CELSR2: variants seen among roughly 807,000 people sequenced by gnomAD.
The protein encoded by CELSR2 is EGF-like protein 2.
In CELSR2, 81 loss-of-function variants were observed where a neutral mutation model predicts 251.6. That is an observed-to-expected ratio of 0.32 (90% CI 0.27 to 0.39). The LOEUF (loss-of-function observed/expected upper bound fraction) is 0.39, where lower values mean the gene tolerates loss of function less well. Among genes scored for constraint, CELSR2 ranks in the 10% least tolerant of loss-of-function variants. CELSR2 has a pLI of 1.00. For missense variants in CELSR2, 3,365 were observed against 3,947.7 expected (o/e 0.85, Z 3.96); for synonymous variants, 1,721 against 1,670.5 (o/e 1.03, Z -0.74).
Position 109,261,307 on chromosome 1 carries a change from C to G in CELSR2, c.4181+43C>G. ...GGGGGTGGGGAGTGGGCCTGGTGGG[C>G]ATCTGAGGTGCCTCCTGTTCTGTGG... is the stretch of plus-strand genomic sequence containing the variant. On this transcript the variant is annotated intron_variant, in intron 3 of 33. Transcript: ENST00000271332. This position sits in a 1 kb window ranked among gnomAD's most constrained non-coding sequence, Gnocchi z 4.8. 1.3e-6 allele frequency: 2 copies of G among 1,567,104 alleles called. No homozygotes were observed. Among genetic ancestry groups the G allele is most frequent in the Non-Finnish European group, 1.7e-6 (2 of 1,143,736 alleles).
chr1:109,263,178 C>T lies in CELSR2; in HGVS notation c.4745C>T (p.Thr1582Ile), dbSNP rs933705873. 3 of 1,601,162 alleles carry T rather than the reference C, an allele frequency of 1.9e-6. No individual in the cohort carries two copies. Among genetic ancestry groups the T allele is most frequent in the Non-Finnish European group, 2.6e-6 (3 of 1,169,484 alleles). ...PAKKNVCDSN[T>I]CHNGGTCVNQ... is the part of the protein sequence containing the mutation. ...AAGAAGAACGTGTGTGACAGCAACA[C>T]TTGCCACAATGGGGGCACTTGCGTG... Residue 1582 changes from threonine to isoleucine, a missense_variant, in exon 8 of 34, where the codon ACT (threonine) becomes ATT (isoleucine). By Grantham distance (89) the Thr-to-Ile change is moderately conservative. Around this residue, in one of 5 missense-constraint regions of CELSR2, gnomAD observed 2,093 missense variants for 2,382.8 expected, o/e 0.88. Coordinates refer to ENST00000271332, the MANE Select transcript of CELSR2 (RefSeq NM_001408.3).
intron 32 of CELSR2, 36 bp downstream of exon 32, chr1:109,273,372 G>A (rs748134648): frequency 3.1e-6 from 5 of 1,607,528 alleles, no homozygotes; most frequent in South Asian, 2.2e-5. Flanking sequence ...AGCTCCCCTA[G>A]TCAGCAGCCT....
intron 1 of CELSR2, among the ~76,000 whole-genome samples, chr1:109,255,024 C>T (rs1312125331): frequency 6.6e-6 from 1 of 152,240 alleles, no homozygotes; most frequent in Non-Finnish European, 1.5e-5. Context: ...AGCCTTCGGT[C>T]TCCCACCAGG....
rs1064797116 is a variant in CELSR2, at chr1:109,252,460, A to T, written c.2381A>T (p.Gln794Leu). The T allele has an allele frequency of 6.2e-7, 1 of 1,613,824 alleles. No homozygotes were observed. The highest frequency in any genetic ancestry group is 8.5e-7 in the Non-Finnish European group (1 of 1,180,024). Reference protein sequence around the residue: ...AITARDNGIPQKSDTTYLEIL... With the variant: ...AITARDNGIPLKSDTTYLEIL... ...ACTGCTCGGGACAATGGCATTCCCC[A>T]GAAGTCCGACACCACCTACCTGGAG... The change falls in exon 1 of 34, where the codon CAG becomes CTG. Residue 794 changes from glutamine (Q) to leucine (L), a missense_variant. Gln to Leu is a moderately radical substitution (Grantham distance 113). Transcript: ENST00000271332. The surrounding 1 kb of genome is among the most constrained non-coding windows in gnomAD (Gnocchi z 4.8).
intron 10 of CELSR2, 22 bp downstream of exon 10, chr1:109,264,387 C>T (rs1557733407): frequency 1.3e-6 from 2 of 1,587,752 alleles, no homozygotes; most frequent in Non-Finnish European, 8.6e-7. Context: ...GCCCTGCCCT[C>T]CCATCCCCTC....
At chr1:109,259,306 T>C (rs606434) in intron 2 of CELSR2, among the ~76,000 whole-genome samples, 21,841 of 152,276 alleles carry the variant, frequency 0.14, 2,178 homozygotes, top group African/African-American at 0.28. Context: ...AGTGCCATTG[T>C]GGGCAGAGCT....
rs147297668 is a variant in CELSR2 at position 109,250,858 on chromosome 1, C to T, written c.779C>T (p.Thr260Met). ...AAGAGCACCCACGTCTTCAGGGTCA[C>T]GGCGCAGGACCACGGCATGCCCCGA... is the stretch of plus-strand genomic sequence containing the variant. ...ETKSTHVFRVTAQDHGMPRRS... is the reference protein window; with the variant it reads ...ETKSTHVFRVMAQDHGMPRRS... The change falls in exon 1 of 34, where the codon ACG becomes ATG. Residue 260 changes from threonine (T) to methionine (M), a missense_variant. Around this residue, in one of 5 missense-constraint regions of CELSR2, gnomAD observed 704 missense variants for 784.1 expected, o/e 0.90. Coordinates refer to ENST00000271332, the MANE Select transcript of CELSR2 (RefSeq NM_001408.3). This position sits in a 1 kb window ranked among gnomAD's most constrained non-coding sequence, Gnocchi z 4.4. The T allele has an allele frequency of 1.6e-4, 261 of 1,614,004 alleles. No individual in the cohort carries two copies. The highest frequency in any genetic ancestry group is 2.8e-4 in the Admixed American group (17 of 60,028).
Position 109,274,120 on chromosome 1 carries a change from T to C in CELSR2, c.*71T>C. 1.2e-6 allele frequency: 2 copies of C among 1,612,882 alleles called. No individual in the cohort carries two copies. Among genetic ancestry groups the C allele is most frequent in the Non-Finnish European group, 8.5e-7 (1 of 1,179,906 alleles). ...GCCGCACTCATGCCCTGCTCCTGTCTTGTGCTTTATCCTGCCCCGCTCCCC... is the reference window on the plus strand; with the variant it reads ...GCCGCACTCATGCCCTGCTCCTGTCCTGTGCTTTATCCTGCCCCGCTCCCC... On this transcript the variant is annotated 3_prime_UTR_variant, in exon 34 of 34. Transcript: ENST00000271332.
intron 1 of CELSR2, among the ~76,000 whole-genome samples, chr1:109,257,894 C>T (rs891900646): frequency 2.0e-5 from 3 of 152,268 alleles, no homozygotes; most frequent in Middle Eastern, 3.4e-3. Flanking sequence ...CAGGTCTGCG[C>T]GCCCAAGCAG....
In CELSR2 at chr1:109,264,527, A is replaced by G. The variant is rs1656135427; in HGVS notation, c.5363A>G (p.Glu1788Gly). The G allele has an allele frequency of 6.2e-7, 1 of 1,614,066 alleles. No individual in the cohort carries two copies. The highest frequency in any genetic ancestry group is 1.1e-5 in the South Asian group (1 of 91,094). The change falls in exon 11 of 34, where the codon GAG becomes GGG. Residue 1788 changes from glutamate to glycine, a missense_variant. This residue lies in a region of CELSR2 where 2,093 missense variants were observed against 2,382.8 expected (regional missense o/e 0.88). Transcript: ENST00000271332. ...AGCCATGGGGAGAGCATCAACGTGGAGCAAGGCTGTAGCCTGCCTGACCCT... is the reference window on the plus strand; with the variant it reads ...AGCCATGGGGAGAGCATCAACGTGGGGCAAGGCTGTAGCCTGCCTGACCCT... ...DPSHGESINV[E>G]QGCSLPDPCD...
chr1:109,271,236 T>A lies in CELSR2; in HGVS notation c.7616T>A (p.Ile2539Asn). 1 of 1,613,974 alleles carries A rather than the reference T, an allele frequency of 6.2e-7. No homozygotes were observed. The highest frequency in any genetic ancestry group is 8.5e-7 in the Non-Finnish European group (1 of 1,179,986). Residue 2539 changes from isoleucine to asparagine, a missense_variant, in exon 26 of 34, where the codon ATC (isoleucine) becomes AAC (asparagine). By Grantham distance (149) the Ile-to-Asn change is moderately radical. Coordinates refer to ENST00000271332, the MANE Select transcript of CELSR2 (RefSeq NM_001408.3). Reference protein sequence around the residue: ...FAVSMSVFLYILAARASCAAQ... With the variant: ...FAVSMSVFLYNLAARASCAAQ... ...GCCTAGATGAGTGTCTTCCTGTACATCCTGGCGGCCCGGGCCTCCTGTGCT... is the reference window on the plus strand; with the variant it reads ...GCCTAGATGAGTGTCTTCCTGTACAACCTGGCGGCCCGGGCCTCCTGTGCT...
chr1:109,258,342 G>C, intron 1 of CELSR2, 90 bp from the exon 2 acceptor site: 1 of 934,226 alleles, frequency 1.1e-6, no homozygotes, highest in South Asian at 1.8e-5. Flanking sequence ...ATGCCAGTTG[G>C]AAAGGAGAGC....
At position 109,252,124 on chromosome 1, in the gene CELSR2, T is replaced by G. The variant is rs1254022155; in HGVS notation, c.2045T>G (p.Val682Gly). Residue 682 changes from valine (V) to glycine (G), a missense_variant, in exon 1 of 34, where the codon GTG (valine) becomes GGG (glycine). By Grantham distance (109) the Val-to-Gly change is moderately radical. This residue lies in a region of CELSR2 where 505 missense variants were observed against 660.0 expected (regional missense o/e 0.77). Transcript: ENST00000271332. This position sits in a 1 kb window ranked among gnomAD's most constrained non-coding sequence, Gnocchi z 4.8. ...PLDYKLERQY[V>G]LAVTASDGTR... ...GACTACAAACTTGAGCGGCAGTATGTGTTGGCTGTTACCGCCTCCGATGGC... is the reference window on the plus strand; with the variant it reads ...GACTACAAACTTGAGCGGCAGTATGGGTTGGCTGTTACCGCCTCCGATGGC... The G allele has an allele frequency of 6.2e-7, 1 of 1,614,104 alleles. No individual in the cohort carries two copies.
Position 109,261,179 on chromosome 1 carries a change from C to T in CELSR2, c.4096C>T (p.Gln1366Ter). ...TGGAGACTTCGAGAAGCCCTACTGC[C>T]AGGTGACCACGCGCAGCTTCCCCGC... ...PSGDFEKPYC[Q>*]VTTRSFPAHS... The change falls in exon 3 of 34, where the codon CAG (glutamine) becomes TAG (stop). Residue 1366 changes from glutamine (Q) to a stop codon, truncating the protein, a stop_gained. Transcript: ENST00000271332. LOFTEE classifies it high-confidence loss of function. The surrounding 1 kb of genome is among the most constrained non-coding windows in gnomAD (Gnocchi z 4.8). The T allele has an allele frequency of 6.2e-7, 1 of 1,614,162 alleles. No homozygotes were observed. The highest frequency in any genetic ancestry group is 8.5e-7 in the Non-Finnish European group (1 of 1,180,026).
chr1:109,250,741 A>G lies in CELSR2; in HGVS notation c.662A>G (p.Asp221Gly). ...GCAGGTCGACTGGAGTACACCATGG[A>G]TGCCCTCTTTGATAGCCGCTCCAAC... Reference protein sequence around the residue: ...GEAGRLEYTMDALFDSRSNQF... With the variant: ...GEAGRLEYTMGALFDSRSNQF... The change falls in exon 1 of 34, where the codon GAT becomes GGT. Residue 221 changes from aspartate to glycine, a missense_variant. Physicochemically the swap from Asp to Gly is moderately conservative, Grantham distance 94. Coordinates refer to ENST00000271332, the MANE Select transcript of CELSR2 (RefSeq NM_001408.3). The surrounding 1 kb of genome is among the most constrained non-coding windows in gnomAD (Gnocchi z 4.4). 6.2e-7 allele frequency: 1 copy of G among 1,614,088 alleles called. No homozygotes were observed. Among genetic ancestry groups the G allele is most frequent in the Non-Finnish European group, 8.5e-7 (1 of 1,180,014 alleles).
Position 109,252,787 on chromosome 1 carries a change from C to T in CELSR2, c.2708C>T (p.Thr903Ile), listed in dbSNP as rs199806460. ...AVDKGMPPAR[T>I]PMEVTVTVLD... ...GACAAGGGGATGCCCCCAGCCCGCA[C>T]ACCTATGGAAGTGACAGTCACTGTG... is the stretch of plus-strand genomic sequence containing the variant. The change falls in exon 1 of 34, where the codon ACA becomes ATA. Residue 903 changes from threonine (T) to isoleucine (I), a missense_variant. Thr to Ile is a moderately conservative substitution (Grantham distance 89). Transcript: ENST00000271332. The surrounding 1 kb of genome is among the most constrained non-coding windows in gnomAD (Gnocchi z 4.8). 1.2e-6 allele frequency: 2 copies of T among 1,614,038 alleles called. No homozygotes were observed. The highest frequency in any genetic ancestry group is 8.5e-7 in the Non-Finnish European group (1 of 1,180,048).
chr1:109,265,680 G>A (rs749248386), intron 13 of CELSR2, 55 bp from the exon 14 acceptor site: 6 of 1,574,304 alleles, frequency 3.8e-6, no homozygotes, highest in South Asian at 1.2e-5. Context: ...AAGGACCCAT[G>A]AGCATCCTGG....
At chr1:109,263,893 C>A in intron 9 of CELSR2, 116 bp downstream of exon 9, 1 of 1,418,230 alleles carries the variant, frequency 7.1e-7, no homozygotes, top group South Asian at 1.4e-5. Flanking sequence ...ATATAGAGGC[C>A]GCTGGATCCG....
chr1:109,271,776 C>A, intron 28 of CELSR2, 54 bp downstream of exon 28: 2 of 1,592,676 alleles, frequency 1.3e-6, no homozygotes, highest in African/African-American at 1.3e-5. Context: ...AGGCAGGAGG[C>A]CCAGTGAGCC....
Sources: gnomAD v4.1 joint callset for allele counts (sites outside exome capture counted in the v4.1 genomes callset) on GRCh38, gnomAD v4.1.1 for gene constraint, gnomAD v4.1.1 regional missense constraint, Gnocchi (gnomAD v3.1) non-coding constraint, MANE v1.5 for transcripts, NCBI Gene and HGNC (gene_info 2026-07-23, HGNC 2026-07-21) for gene names.